Variants in PCGF2 observed in about 807,000 individuals in gnomAD.
PCGF2 encodes polycomb group RING finger protein 2.
PCGF2 carries 8 observed loss-of-function variants against 36.1 expected under a neutral mutation model. The ratio of observed to expected loss-of-function variants is 0.22; its 90% CI spans 0.13 to 0.40. The LOEUF is 0.40. PCGF2 is among the 10% of genes least tolerant of loss of function. The pLI, the probability that PCGF2 is intolerant of heterozygous loss-of-function variation, is 1.00. For missense variants in PCGF2, 436 were observed against 475.9 expected (o/e 0.92, Z 0.78); for synonymous variants, 198 against 191.2 (o/e 1.04, Z -0.29).
In PCGF2 at chr17:38,739,523, G is replaced by A; in HGVS notation, c.209+63C>T. 1 of 1,279,624 alleles carries A rather than the reference G, an allele frequency of 7.8e-7. No homozygotes were observed. The allele number at this position is 1,279,624 out of a possible 1,614,324, so 79.3% of individuals were successfully genotyped here. A position where few individuals can be genotyped will look rare whatever the true frequency, so the allele number is the denominator to read the frequency against. The stretch of plus-strand genomic sequence containing the variant: ...CTTGGCTGAAGGAAGCACGGAGCGT[G>A]GGAGGGATGGGGGAGGCTGACCCAG... On this transcript the variant is annotated intron_variant, in intron 4 of 10. Transcript: ENST00000620225. This position sits in a 1 kb window ranked among gnomAD's most constrained non-coding sequence, Gnocchi z 4.0.
At chr17:38,735,730 GAGGAGAGAGACA>G in intron 10 of PCGF2, 130 bp from the exon 11 acceptor site, 1 of 1,243,624 alleles carries the variant, frequency 8.0e-7, no homozygotes, top group Non-Finnish European at 1.1e-6. Context: ...GGGCCTTGGA[GAGGAGAGAGACA>G]AGGATACAGG....
Position 38,735,545 on chromosome 17 carries a change from A to T in PCGF2, c.713T>A (p.Leu238Gln), listed in dbSNP as rs368317834. 4.1e-5 allele frequency: 65 copies of T among 1,587,710 alleles called. No individual in the cohort carries two copies. In the African/African-American group the frequency reaches 8.6e-4, roughly 21 times the overall value. The change falls in exon 11 of 11, where the codon CTA (leucine) becomes CAA (glutamine). Residue 238 changes from leucine to glutamine, a missense_variant. Coordinates refer to ENST00000620225, the MANE Select transcript of PCGF2 (RefSeq NM_007144.3). ...RVQPACKRLT[L>Q]ATVPTPSEGT... ...CTCGGAGGGGGTGGGCACCGTGGCT[A>T]GGGTGAGCCGCTTGCAGGCTGGCTG...
At chr17:38,736,635 C>T (rs533077581) in intron 9 of PCGF2, among the ~76,000 whole-genome samples, 9 of 151,656 alleles carry the variant, frequency 5.9e-5, no homozygotes, top group Non-Finnish European at 8.8e-5. Context: ...GAGATCGAGA[C>T]CATCCTGGCT....
At chr17:38,743,832 G>A (rs73982895) in intron 2 of PCGF2, among the ~76,000 whole-genome samples, 4,599 of 152,196 alleles carry the variant, frequency 0.03, 232 homozygotes, top group African/African-American at 0.11. Flanking sequence ...TTCCTCCCCC[G>A]CTGCACTGGC....
intron 10 of PCGF2, 27 bp downstream of exon 10, chr17:38,736,063 C>G (rs1314858626): frequency 6.6e-7 from 1 of 1,509,258 alleles, no homozygotes; most frequent in Non-Finnish European, 9.0e-7. Flanking sequence ...GGAGTCTGCT[C>G]CCTGCCCGCC....
intron 2 of PCGF2, among the ~76,000 whole-genome samples, 152 bp downstream of exon 2, chr17:38,747,727 C>G (rs911558932): frequency 5.9e-5 from 9 of 152,162 alleles, no homozygotes; most frequent in African/African-American, 2.2e-4. Flanking sequence ...CCACGGCGCC[C>G]CTGTGCCCAC....
chr17:38,736,630 C>G (rs564090227), intron 9 of PCGF2, among the ~76,000 whole-genome samples: 53 of 151,686 alleles, frequency 3.5e-4, no homozygotes, highest in Admixed American at 7.2e-4. Flanking sequence ...GTCAGGAGAT[C>G]GAGACCATCC....
chr17:38,748,179 GA>G lies in PCGF2; in HGVS notation c.-134+16del, dbSNP rs1158259674. 6.9e-6 allele frequency: 1 copy of G among 144,334 alleles called. No homozygotes were observed. Among genetic ancestry groups the G allele is most frequent in the Non-Finnish European group, 1.5e-5 (1 of 65,460 alleles). The allele number at this position is 144,334 out of a possible 1,614,324, so 8.9% of individuals were successfully genotyped here. On this transcript the variant is annotated intron_variant, in intron 1 of 10. Transcript: ENST00000620225. The stretch of plus-strand genomic sequence containing the variant: ...AGGCCAGGAGAGGGAAAGGCAGGGG[GA>G]GTCCGCTCCGCTTACCTGGGTTCGG...
rs201412419 is a variant in PCGF2 at position 38,738,846 on chromosome 17, T to C, written c.332A>G (p.Asn111Ser). 40 of 1,613,638 alleles carry C rather than the reference T, an allele frequency of 2.5e-5. No homozygotes were observed. Among genetic ancestry groups the C allele is most frequent in the South Asian group, 3.3e-5 (3 of 91,066 alleles). Reference protein sequence around the residue: ...YPLTEVPNGSNEDRGEVLEQE... With the variant: ...YPLTEVPNGSSEDRGEVLEQE... ...CTCCAAGACCTCGCCGCGGTCCTCA[T>C]TGGAGCCGTTGGGGACTGCAGAAGG... The change falls in exon 7 of 11, where the codon AAT (asparagine) becomes AGT (serine). Residue 111 changes from asparagine to serine, a missense_variant. Physicochemically the swap from Asn to Ser is conservative, Grantham distance 46. Around this residue, in one of 3 missense-constraint regions of PCGF2, gnomAD observed 189 missense variants for 219.3 expected, o/e 0.86. Coordinates refer to ENST00000620225, the MANE Select transcript of PCGF2 (RefSeq NM_007144.3).
Position 38,739,897 on chromosome 17 carries a change from A to G in PCGF2, c.113-215T>C, listed in dbSNP as rs1907062220. On this transcript the variant is annotated intron_variant, in intron 3 of 10. Coordinates refer to ENST00000620225, the MANE Select transcript of PCGF2 (RefSeq NM_007144.3). This position sits in a 1 kb window ranked among gnomAD's most constrained non-coding sequence, Gnocchi z 4.0. The stretch of plus-strand genomic sequence containing the variant: ...TGTGTGAGACAGGCCAGTGTCATGT[A>G]CAATGCAGAAGGTCAGCCCTGAGTC... 6.6e-6 allele frequency among the ~76,000 whole-genome samples: 1 copy of G among 152,154 alleles called. No individual in the cohort carries two copies. Among genetic ancestry groups the G allele is most frequent in the Non-Finnish European group, 1.5e-5 (1 of 68,026 alleles).
chr17:38,737,305 G>T (rs577663463), intron 9 of PCGF2, among the ~76,000 whole-genome samples: 2 of 150,706 alleles, frequency 1.3e-5, no homozygotes, highest in East Asian at 4.0e-4. Context: ...TATACTGAAA[G>T]TACAAAAATT....
upstream of PCGF2, chr17:38,749,619 C>T (rs1289147913): frequency 2.2e-6 from 1 of 455,902 alleles, no homozygotes; most frequent in South Asian, 1.5e-5. This position sits in a 1 kb window ranked among gnomAD's most constrained non-coding sequence, Gnocchi z 6.5. Context: ...AGCGCACTGA[C>T]GGTGGGAGGC....
Position 38,739,072 on chromosome 17 carries a change from C to A in PCGF2, c.312G>T (p.Thr104=). 1 of 1,613,016 alleles carries A rather than the reference C, an allele frequency of 6.2e-7. No individual in the cohort carries two copies. The change falls in exon 6 of 11, where the codon ACG becomes ACT. Residue 104 remains threonine (T), a synonymous_variant. Transcript: ENST00000620225. The surrounding 1 kb of genome is among the most constrained non-coding windows in gnomAD (Gnocchi z 4.0). The part of the protein sequence containing the change: ...RRDFYAAYPL[T]EVPNGSNEDR... ...AACAGACGCGAGCACACTCACCCTC[C>A]GTCAGGGGGTACGCTGCATAGAAAT...
At chr17:38,743,207 C>A (rs1373730652) in intron 2 of PCGF2, among the ~76,000 whole-genome samples, 1 of 151,430 alleles carries the variant, frequency 6.6e-6, no homozygotes, top group Non-Finnish European at 1.5e-5. Flanking sequence ...TCTTGTGCCT[C>A]AGCCTTCTGA....
chr17:38,737,725 A>G (rs1906874270), intron 9 of PCGF2, among the ~76,000 whole-genome samples: 1 of 151,932 alleles, frequency 6.6e-6, no homozygotes, highest in African/African-American at 2.4e-5. Context: ...CAGCCTGGCC[A>G]ACATGGTGAA....
In PCGF2 at chr17:38,734,515, C is replaced by T. The variant is rs1282420164; in HGVS notation, c.*708G>A. 2.2e-5 allele frequency: 3 copies of T among 138,094 alleles called. No homozygotes were observed. The highest frequency in any genetic ancestry group is 8.3e-5 in the African/African-American group (3 of 36,134). 8.6% of individuals were successfully genotyped at this position (138,094 alleles called of 1,614,324 possible). On this transcript the variant is annotated 3_prime_UTR_variant, in exon 11 of 11. Coordinates refer to ENST00000620225, the MANE Select transcript of PCGF2 (RefSeq NM_007144.3). ...TTCCACAAGATAAATGATGCAAAGG[C>T]CACACACACAGGAAAAAAAAAAAAA...
At chr17:38,738,267 C>G in intron 9 of PCGF2, 86 bp downstream of exon 9, 1 of 1,153,040 alleles carries the variant, frequency 8.7e-7, no homozygotes, top group Non-Finnish European at 1.3e-6. Context: ...TGACACCTAG[C>G]CAGCTCTGAC....
intron 9 of PCGF2, among the ~76,000 whole-genome samples, chr17:38,738,072 G>C (rs1045393290): frequency 7.2e-5 from 11 of 152,200 alleles, no homozygotes; most frequent in African/African-American, 2.7e-4. Context: ...ACCAGCCTGA[G>C]GAGGCCCTGC....
intron 2 of PCGF2, among the ~76,000 whole-genome samples, chr17:38,741,149 AGGCTGT>A (rs929373520): frequency 2.6e-5 from 4 of 151,182 alleles, no homozygotes; most frequent in Non-Finnish European, 5.9e-5. Context: ...GCATTTTGGG[AGGCTGT>A]GGCAGGAGGA....
Sources: gnomAD v4.1 joint callset for allele counts (sites outside exome capture counted in the v4.1 genomes callset) on GRCh38, gnomAD v4.1.1 for gene constraint, gnomAD v4.1.1 regional missense constraint, Gnocchi (gnomAD v3.1) non-coding constraint, MANE v1.5 for transcripts, NCBI Gene and HGNC (gene_info 2026-07-23, HGNC 2026-07-21) for gene names.